INPP4B: variants seen among roughly 807,000 people sequenced by gnomAD.
INPP4B encodes inositol polyphosphate 4-phosphatase type II.
In INPP4B, 55 loss-of-function variants were observed where a neutral mutation model predicts 122.5. The ratio of observed to expected loss-of-function variants is 0.45; its 90% CI spans 0.36 to 0.56. INPP4B has a LOEUF of 0.56. INPP4B is among the 20% of genes least tolerant of loss of function. The pLI is 0.00. For synonymous variants in INPP4B, 403 were observed against 388.7 expected, an observed-to-expected ratio of 1.04 and a Z score of -0.43; for missense variants, 1,000 against 1,097.7, an observed-to-expected ratio of 0.91 and a Z score of 1.26.
At chr4:142,666,510 TTAA>T (rs1370294738) in intron 2 of INPP4B, among the ~76,000 whole-genome samples, 2 of 152,120 alleles carry the variant, frequency 1.3e-5, no homozygotes, top group African/African-American at 4.8e-5. Context: ...AGATTTTTTC[TTAA>T]TATTTTATTA....
At chr4:142,258,048 G>A (rs1367381426) in intron 11 of INPP4B, among the ~76,000 whole-genome samples, 23 of 151,724 alleles carry the variant, frequency 1.5e-4, no homozygotes, top group African/African-American at 2.4e-4. Context: ...AAATAACGCC[G>A]CAAATCTACA....
At chr4:142,213,481 G>A (rs1845728624) in intron 12 of INPP4B, among the ~76,000 whole-genome samples, 1 of 152,114 alleles carries the variant, frequency 6.6e-6, no homozygotes, top group Admixed American at 6.5e-5. Context: ...TGGGTCTATT[G>A]CACAAACCCT....
intron 2 of INPP4B, among the ~76,000 whole-genome samples, chr4:142,648,307 C>T (rs1398511648): frequency 1.3e-5 from 2 of 152,212 alleles, no homozygotes; most frequent in African/African-American, 2.4e-5. Context: ...GTTTATCTCA[C>T]AGGGACTGGT....
intron 25 of INPP4B, among the ~76,000 whole-genome samples, chr4:142,051,564 G>A (rs952913086): frequency 6.6e-6 from 1 of 151,928 alleles, no homozygotes; most frequent in African/African-American, 2.4e-5. Flanking sequence ...ACATAAAAAA[G>A]TCTTACATAT....
intron 21 of INPP4B, among the ~76,000 whole-genome samples, chr4:142,118,137 TA>T (rs1423395059): frequency 6.6e-6 from 1 of 151,898 alleles, no homozygotes; most frequent in African/African-American, 2.4e-5. Flanking sequence ...CTCAACGAAA[TA>T]AAAGAGGACA....
intron 9 of INPP4B, among the ~76,000 whole-genome samples, chr4:142,299,174 G>T (rs1360932862): frequency 9.6e-6 from 1 of 104,532 alleles, no homozygotes; most frequent in African/African-American, 5.6e-5. Context: ...TTTTTTGGGG[G>T]GGAGACAGAG....
chr4:142,113,972 G>A (rs576900191), intron 21 of INPP4B, among the ~76,000 whole-genome samples: 6 of 151,942 alleles, frequency 3.9e-5, no homozygotes, highest in African/African-American at 1.4e-4. Flanking sequence ...TACTACCACC[G>A]CTAGCCCAGA....
chr4:142,331,895 G>A (rs924780067), intron 7 of INPP4B, among the ~76,000 whole-genome samples: 5 of 128,316 alleles, frequency 3.9e-5, no homozygotes. Context: ...CTTACAGAAT[G>A]TACCACAAAG....
intron 2 of INPP4B, among the ~76,000 whole-genome samples, chr4:142,478,142 T>C (rs1560703529): frequency 6.6e-6 from 1 of 152,208 alleles, no homozygotes; most frequent in Non-Finnish European, 1.5e-5. Flanking sequence ...TTCTAAAATG[T>C]AGCTAAGTTT....
chr4:142,820,595 C>T (rs1780681354), intron 1 of INPP4B, among the ~76,000 whole-genome samples: 1 of 152,124 alleles, frequency 6.6e-6, no homozygotes, highest in African/African-American at 2.4e-5. Flanking sequence ...AGACAAAATC[C>T]TTCCTCATTT....
chr4:142,653,665 A>G (rs917975384), intron 2 of INPP4B, among the ~76,000 whole-genome samples: 6 of 152,196 alleles, frequency 3.9e-5, no homozygotes, highest in African/African-American at 1.2e-4. Flanking sequence ...CAAAACCACA[A>G]TGAGATACCA....
chr4:142,709,127 A>T (rs1342863419), intron 2 of INPP4B, among the ~76,000 whole-genome samples: 1 of 152,164 alleles, frequency 6.6e-6, no homozygotes, highest in African/African-American at 2.4e-5. Flanking sequence ...TGGGGCCTGT[A>T]GTGCCTTTGT....
In INPP4B at chr4:142,194,508, C is replaced by T. The variant is rs80210556; in HGVS notation, c.1073-1313G>A. On this transcript the variant is annotated intron_variant, in intron 14 of 25. Coordinates refer to ENST00000262992, the MANE Select transcript of INPP4B (RefSeq NM_001101669.3). ...TTCTCAAAGGCTCAAAAGATCACCC[C>T]AAAGTTACCAACATTATGTTCTAGT... is the stretch of plus-strand genomic sequence containing the variant. Among the ~76,000 whole-genome samples the T allele has an allele frequency of 3.0e-3, 461 of 152,236 alleles. 2 individuals carry two copies. The highest frequency in any genetic ancestry group is 0.01 in the African/African-American group (428 of 41,550).
At chr4:142,086,897 T>C (rs114422614) in intron 23 of INPP4B, among the ~76,000 whole-genome samples, 1 of 152,314 alleles carries the variant, frequency 6.6e-6, no homozygotes, top group African/African-American at 2.4e-5. Flanking sequence ...TCATGAGATA[T>C]AACTTTCCTT....
chr4:142,183,126 G>A (rs562956664), intron 15 of INPP4B, among the ~76,000 whole-genome samples: 18 of 152,246 alleles, frequency 1.2e-4, no homozygotes, highest in African/African-American at 4.1e-4. Context: ...AAGCCAAGGG[G>A]CAGTGAATGG....
chr4:142,088,181 A>G (rs962709669), intron 23 of INPP4B, among the ~76,000 whole-genome samples: 8 of 152,204 alleles, frequency 5.3e-5, no homozygotes, highest in Non-Finnish European at 1.2e-4. Flanking sequence ...AAAGGGAAGG[A>G]GGCCGAATAT....
intron 23 of INPP4B, among the ~76,000 whole-genome samples, chr4:142,091,839 T>C (rs184595): frequency 1 from 152,335 of 152,336 alleles, 76,167 homozygotes; most frequent in Non-Finnish European, 1. Context: ...TGTCAAATAG[T>C]TTCATTCTCT....
At chr4:142,071,802 A>T (rs912255459) in intron 25 of INPP4B, among the ~76,000 whole-genome samples, 11 of 152,346 alleles carry the variant, frequency 7.2e-5, no homozygotes, top group Non-Finnish European at 1.6e-4. Flanking sequence ...ATCTCACACC[A>T]GTTACAATGG....
intron 9 of INPP4B, among the ~76,000 whole-genome samples, chr4:142,281,736 T>G (rs1395476800): frequency 6.6e-6 from 1 of 152,036 alleles, no homozygotes; most frequent in Non-Finnish European, 1.5e-5. Flanking sequence ...GCATGTACTC[T>G]GAAACTGAGC....
Sources: allele counts gnomAD v4.1 joint callset (sites outside exome capture counted in the v4.1 genomes callset), GRCh38; gene constraint gnomAD v4.1.1; transcripts MANE v1.5; gene names NCBI Gene and HGNC (gene_info 2026-07-23, HGNC 2026-07-21).